Variants in NT5C1B observed in about 807,000 individuals in gnomAD.
The protein encoded by NT5C1B is 5'-nucleotidase, cytosolic IB.
NT5C1B carries 44 observed loss-of-function variants against 57.8 expected under a neutral mutation model. That is an observed-to-expected ratio of 0.76 (90% CI 0.60 to 0.98). The LOEUF is 0.98. Ranked by LOEUF, NT5C1B falls within the 50% of genes least tolerant of loss-of-function variation. The pLI is 0.00. For synonymous variants in NT5C1B, 284 were observed against 282.6 expected, an observed-to-expected ratio of 1.00 and a Z score of -0.05; for missense variants, 742 against 719.5, an observed-to-expected ratio of 1.03 and a Z score of -0.36.
intron 8 of NT5C1B, among the ~76,000 whole-genome samples, chr2:18,571,479 C>T (rs1445869781): frequency 1.3e-5 from 2 of 149,416 alleles, no homozygotes; most frequent in Non-Finnish European, 3.0e-5. Flanking sequence ...CTAAAACCTA[C>T]AAAAGACTAA....
In NT5C1B at chr2:18,584,768, C is replaced by A; in HGVS notation, c.469G>T (p.Ala157Ser). ...CGGATTTCCCGCACGATGCCTTGGG[C>A]CCAGGCCTCCGGATTCTCTTGCATT... The change falls in exon 4 of 9, where the codon GCC becomes TCC. Residue 157 changes from alanine (A) to serine (S), a missense_variant. Ala to Ser is a moderately conservative substitution (Grantham distance 99). Coordinates refer to ENST00000304081, the Ensembl canonical transcript of NT5C1B. The surrounding 1 kb of genome is among the most constrained non-coding windows in gnomAD (Gnocchi z 5.8). 1 of 1,613,672 alleles carries A rather than the reference C, an allele frequency of 6.2e-7. No homozygotes were observed. Among genetic ancestry groups the A allele is most frequent in the Non-Finnish European group, 8.5e-7 (1 of 1,179,854 alleles).
intron 3 of NT5C1B, chr2:18,585,261 C>A: frequency 1.4e-6 from 1 of 691,136 alleles, no homozygotes; most frequent in Non-Finnish European, 2.7e-6. Context: ...TCCTCTTCCT[C>A]CCCCTTAGGC....
At chr2:18,579,760 GCAA>G (rs938785919) in intron 6 of NT5C1B, among the ~76,000 whole-genome samples, 7 of 152,082 alleles carry the variant, frequency 4.6e-5, no homozygotes, top group African/African-American at 1.7e-4. Context: ...AAAAGCAATT[GCAA>G]CAACAAGAAA....
At chr2:18,587,821 G>C (rs891764064) in intron 1 of NT5C1B, among the ~76,000 whole-genome samples, 1 of 152,094 alleles carries the variant, frequency 6.6e-6, no homozygotes, top group African/African-American at 2.4e-5. Context: ...AAATTTGTTG[G>C]TTCATAGATT....
chr2:18,576,378 C>A lies in NT5C1B; in HGVS notation c.1145-10G>T, dbSNP rs568203844. On this transcript the variant is annotated splice_polypyrimidine_tract_variant and intron_variant, in intron 7 of 8. Transcript: ENST00000304081. ...GTCGCAGAGGCAATACCTGATAGAT[C>A]ATGGAGACTGATTAATACTCTTCTC... The A allele has an allele frequency of 1.9e-6, 3 of 1,606,860 alleles. No homozygotes were observed. The East Asian group carries it at 6.7e-5, about 36-fold the overall frequency.
chr2:18,568,046 A>G (rs974340201), intron 8 of NT5C1B, among the ~76,000 whole-genome samples: 7 of 151,750 alleles, frequency 4.6e-5, no homozygotes, highest in Admixed American at 2.6e-4. Flanking sequence ...AAAGAGAAAA[A>G]AAGAGTGGGG....
At chr2:18,575,594 T>A (rs992357751) in intron 8 of NT5C1B, among the ~76,000 whole-genome samples, 6 of 152,194 alleles carry the variant, frequency 3.9e-5, no homozygotes, top group African/African-American at 1.4e-4. Context: ...CTGTTCATTT[T>A]CGACCTTGAT....
At position 18,584,172 on chromosome 2, in the gene NT5C1B, T is replaced by G. The variant is rs1666446993; in HGVS notation, c.807A>C (p.Gln269His). The G allele has an allele frequency of 6.2e-7, 1 of 1,614,154 alleles. No homozygotes were observed. Among genetic ancestry groups the G allele is most frequent in the Non-Finnish European group, 8.5e-7 (1 of 1,180,018 alleles). Residue 269 changes from glutamine to histidine, a missense_variant, in exon 5 of 9, where the codon CAA (glutamine) becomes CAC (histidine). Transcript: ENST00000304081. This position sits in a 1 kb window ranked among gnomAD's most constrained non-coding sequence, Gnocchi z 5.8. ...ACTCCATGTACTTTTCCAGACCCTC[T>G]TGCTCGTAGATTTTCCTGCCGTCCA...
chr2:18,582,913 G>A lies in NT5C1B; in HGVS notation c.976C>T (p.His326Tyr), dbSNP rs1419731374. ...ATAAGCCGCACTCCCACTTGGGCAT[G>A]GTTATTAGTCATCAGTACAATATCA... The change falls in exon 6 of 9, where the codon CAT (histidine) becomes TAT (tyrosine). Residue 326 changes from histidine (H) to tyrosine (Y), a missense_variant. Transcript: ENST00000304081. 7 of 1,614,008 alleles carry A rather than the reference G, an allele frequency of 4.3e-6. 1 individual carries two copies. The South Asian group carries it at 5.5e-5, about 13-fold the overall frequency.
intron 2 of NT5C1B, chr2:18,587,300 A>G: frequency 6.8e-7 from 1 of 1,481,036 alleles, no homozygotes; most frequent in Non-Finnish European, 9.0e-7. Context: ...CACACATTCG[A>G]AGTGAACACT....
At chr2:18,566,978 C>G (rs1664698437) in intron 8 of NT5C1B, among the ~76,000 whole-genome samples, 1 of 152,160 alleles carries the variant, frequency 6.6e-6, no homozygotes, top group East Asian at 1.9e-4. Flanking sequence ...ATACCAGCTT[C>G]CATACAAGCA....
At chr2:18,585,533 G>C (rs760761081) in intron 3 of NT5C1B, among the ~76,000 whole-genome samples, 20 of 152,166 alleles carry the variant, frequency 1.3e-4, no homozygotes, top group Non-Finnish European at 2.2e-4. Context: ...CTGGAGACTG[G>C]AGCATCTCCC....
At chr2:18,564,209 A>G in intron 8 of NT5C1B, 90 bp from the exon 9 acceptor site, 9 of 1,406,116 alleles carry the variant, frequency 6.4e-6, no homozygotes, top group Non-Finnish European at 8.5e-6. Context: ...ACGATACAAT[A>G]CAAAGGATAT....
At chr2:18,577,078 T>C (rs1028989673) in intron 6 of NT5C1B, among the ~76,000 whole-genome samples, 183 bp from the exon 7 acceptor site, 1 of 152,204 alleles carries the variant, frequency 6.6e-6, no homozygotes, top group African/African-American at 2.4e-5. Context: ...TACCAATATT[T>C]AAAATTCCTC....
Position 18,587,045 on chromosome 2 carries a change from A to G in NT5C1B, c.120+458T>C, listed in dbSNP as rs369072062. 8.1e-6 allele frequency: 13 copies of G among 1,614,098 alleles called. No homozygotes were observed. In the African/African-American group the frequency reaches 1.3e-4, roughly 17 times the overall value. On this transcript the variant is annotated intron_variant, in intron 2 of 8. Transcript: ENST00000304081. ...GCTCCCACAACAGGCACATGTGAAT[A>G]TAAATACGTATTGTGTGGCAGGGGC...
At chr2:18,564,001 C>T (rs1664409511) in exon 9 of NT5C1B, 1 of 1,614,204 alleles carries the variant, frequency 6.2e-7, no homozygotes, top group Non-Finnish European at 8.5e-7. Context: ...GGCGCCTGAA[C>T]TGGCTGCACT....
exon 1 of NT5C1B, chr2:18,589,477 C>T (rs1262261723): frequency 6.2e-7 from 1 of 1,613,926 alleles, no homozygotes; most frequent in Admixed American, 1.7e-5. Context: ...ATTTTTTTAC[C>T]TGTTGAAATT....
intron 6 of NT5C1B, among the ~76,000 whole-genome samples, chr2:18,579,231 T>G (rs544764204): frequency 8.2e-4 from 125 of 152,272 alleles, no homozygotes; most frequent in African/African-American, 2.9e-3. Context: ...AATTTACAGA[T>G]TCAATGCTAT....
chr2:18,571,593 C>A (rs1370765723), intron 8 of NT5C1B, among the ~76,000 whole-genome samples: 17 of 150,958 alleles, frequency 1.1e-4, no homozygotes, highest in African/African-American at 4.1e-4. Context: ...CAAGATCTAG[C>A]TATAAATAAA....
Sources: allele counts gnomAD v4.1 joint callset (sites outside exome capture counted in the v4.1 genomes callset), GRCh38; gene constraint gnomAD v4.1.1; non-coding constraint Gnocchi (gnomAD v3.1); transcripts MANE v1.5; gene names NCBI Gene and HGNC (gene_info 2026-07-23, HGNC 2026-07-21).